LAT2: variants seen among roughly 807,000 people sequenced by gnomAD.
LAT2 encodes the protein linker for activation of T cells family member 2, also known as linker for activation of T-cells family member 2.
Under a neutral mutation model 43.4 loss-of-function variants are expected in LAT2, and 23 were observed. The ratio of observed to expected loss-of-function variants is 0.53; its 90% CI spans 0.38 to 0.75. The LOEUF is 0.75. Among genes scored for constraint, LAT2 ranks in the 30% least tolerant of loss-of-function variants. LAT2 has a pLI of 0.00. For missense variants in LAT2, 284 were observed against 310.2 expected (o/e 0.92, Z 0.64); for synonymous variants, 128 against 123.2 (o/e 1.04, Z -0.26).
At chr7:74,223,861 T>C in intron 11 of LAT2, 78 bp downstream of exon 11, 1 of 1,518,506 alleles carries the variant, frequency 6.6e-7, no homozygotes. Context: ...CACTCCCCAC[T>C]GCTCAAAGGC....
chr7:74,224,638 G>A lies in LAT2; in HGVS notation c.629-1G>A. 6.3e-7 allele frequency: 1 copy of A among 1,596,014 alleles called. No homozygotes were observed. The highest frequency in any genetic ancestry group is 8.5e-7 in the Non-Finnish European group (1 of 1,171,446). On this transcript the variant is annotated splice_acceptor_variant, in intron 12 of 13. Coordinates refer to ENST00000460943, the MANE Select transcript of LAT2 (RefSeq NM_032464.3). LOFTEE classifies it high-confidence loss of function. The stretch of plus-strand genomic sequence containing the variant: ...TGACCTGTCTGCCCGCTGGTCCACA[G>A]GGCAACTCCAGAGAGAAGCATCCCC...
chr7:74,213,645 G>C (rs559075670), intron 1 of LAT2, among the ~76,000 whole-genome samples: 1 of 151,826 alleles, frequency 6.6e-6, no homozygotes, highest in Admixed American at 6.6e-5. Flanking sequence ...GGCTAGTCTC[G>C]AACTCCCGAC....
At chr7:74,215,828 G>A in intron 2 of LAT2, 119 bp from the exon 3 acceptor site, 2 of 723,834 alleles carry the variant, frequency 2.8e-6, no homozygotes, top group Non-Finnish European at 4.9e-6. Flanking sequence ...CAGGAGCGGG[G>A]AGGGGAGGTG....
At chr7:74,221,410 CAAAAAAAAAAAAAA>C (rs782694803) in intron 9 of LAT2, among the ~76,000 whole-genome samples, 4 of 21,074 alleles carry the variant, frequency 1.9e-4, no homozygotes, top group African/African-American at 5.2e-4. Context: ...GACTCTGTCT[CAAAAAAAAAAAAAA>C]AAAAAAAAAA....
chr7:74,216,760 G>T (rs960535901), intron 3 of LAT2, 65 bp from the exon 4 acceptor site: 11 of 1,394,578 alleles, frequency 7.9e-6, no homozygotes, highest in Non-Finnish European at 1.1e-5. Context: ...GACATGGCGG[G>T]GGGTGTCTGA....
intron 10 of LAT2, 71 bp downstream of exon 10, chr7:74,221,763 G>T: frequency 3.7e-6 from 5 of 1,352,446 alleles, no homozygotes; most frequent in Non-Finnish European, 5.2e-6. Context: ...ATACCTCCAG[G>T]CAGGAGAGGA....
At chr7:74,221,789 C>A in intron 10 of LAT2, 97 bp downstream of exon 10, 2 of 841,352 alleles carry the variant, frequency 2.4e-6, no homozygotes, top group South Asian at 1.8e-5. Context: ...GGCCTGGGTT[C>A]GGGTAAATCG....
At chr7:74,216,289 C>A (rs1376909877) in intron 3 of LAT2, among the ~76,000 whole-genome samples, 1 of 151,932 alleles carries the variant, frequency 6.6e-6, no homozygotes, top group Non-Finnish European at 1.5e-5. Context: ...AGAGAGATTG[C>A]CCCAGACGAG....
At position 74,212,856 on chromosome 7, in the gene LAT2, C is replaced by T. The variant is rs149056550; in HGVS notation, c.-218-1966C>T. On this transcript the variant is annotated intron_variant, in intron 1 of 13. Transcript: ENST00000460943. Reference sequence around the variant, plus strand: ...GGTGACGTGGGTCGTGCCAGTCACACGGCTCAGAAATTCACTTGTTCCCAC... The same window carrying T: ...GGTGACGTGGGTCGTGCCAGTCACATGGCTCAGAAATTCACTTGTTCCCAC... Among the ~76,000 whole-genome samples the T allele has an allele frequency of 4.7e-3, 717 of 152,306 alleles. 5 individuals are homozygous for T. The highest frequency in any genetic ancestry group is 0.016 in the African/African-American group (670 of 41,562).
chr7:74,213,708 C>T lies in LAT2; in HGVS notation c.-218-1114C>T, dbSNP rs905453571. Among the ~76,000 whole-genome samples, 108 of 152,156 alleles carry T rather than the reference C, an allele frequency of 7.1e-4. 1 individual carries two copies. Among genetic ancestry groups the T allele is most frequent in the Non-Finnish European group, 4.1e-4 (28 of 68,026 alleles). ...AAAGTGCTGGGATTACAGGCGTGAG[C>T]CACCACGCCCTGCTGGAGCTCCTCC... is the stretch of plus-strand genomic sequence containing the variant. On this transcript the variant is annotated intron_variant, in intron 1 of 13. Coordinates refer to ENST00000460943, the MANE Select transcript of LAT2 (RefSeq NM_032464.3).
At chr7:74,211,537 A>C (rs1554713161) in intron 1 of LAT2, among the ~76,000 whole-genome samples, 1 of 151,890 alleles carries the variant, frequency 6.6e-6, no homozygotes, top group Non-Finnish European at 1.5e-5. Context: ...GGCTCACTGC[A>C]AGCTCCACCT....
intron 9 of LAT2, among the ~76,000 whole-genome samples, chr7:74,221,143 C>T (rs1021262886): frequency 1.3e-5 from 2 of 151,998 alleles, no homozygotes; most frequent in Admixed American, 6.6e-5. Flanking sequence ...TCACCAGGTG[C>T]GGTGGCTCAT....
At chr7:74,218,579 C>T (rs1802130231) in intron 4 of LAT2, among the ~76,000 whole-genome samples, 2 of 152,188 alleles carry the variant, frequency 1.3e-5, no homozygotes, top group African/African-American at 4.8e-5. Flanking sequence ...GTTGCCAGTG[C>T]CCCCGTTTAA....
At chr7:74,221,830 T>A in intron 10 of LAT2, 138 bp downstream of exon 10, 1 of 298,178 alleles carries the variant, frequency 3.4e-6, no homozygotes, top group Non-Finnish European at 6.0e-6. Flanking sequence ...AGAAGGAGGC[T>A]GGTGCTGCAG....
In LAT2 at chr7:74,220,546, G is replaced by A; in HGVS notation, c.266-38G>A. On this transcript the variant is annotated intron_variant, in intron 7 of 13. Coordinates refer to ENST00000460943, the MANE Select transcript of LAT2 (RefSeq NM_032464.3). The surrounding 1 kb of genome is among the most constrained non-coding windows in gnomAD (Gnocchi z 4.5). ...CACCCGAGCTGGGTGCAAAGCAGGG[G>A]CCAGGGGAGAAAGCAATTAGCTGGG... The A allele has an allele frequency of 6.2e-7, 1 of 1,613,576 alleles. No individual in the cohort carries two copies. Among genetic ancestry groups the A allele is most frequent in the Non-Finnish European group, 8.5e-7 (1 of 1,179,788 alleles).
At chr7:74,228,034 G>A (rs556931450) in intron 13 of LAT2, among the ~76,000 whole-genome samples, 2 of 151,640 alleles carry the variant, frequency 1.3e-5, no homozygotes, top group South Asian at 2.1e-4. Flanking sequence ...AAATTAGCCA[G>A]GTGTGGTGGC....
chr7:74,210,992 A>G (rs1554713052), intron 1 of LAT2, among the ~76,000 whole-genome samples: 5 of 151,712 alleles, frequency 3.3e-5, no homozygotes, highest in Middle Eastern at 3.4e-3. Context: ...GGATTCAGAC[A>G]CTGTAGCTCC....
intron 9 of LAT2, 97 bp from the exon 10 acceptor site, chr7:74,221,540 G>A (rs1554715259): frequency 1.2e-6 from 1 of 806,042 alleles, no homozygotes; most frequent in Non-Finnish European, 2.0e-6. Flanking sequence ...GAGGAGCAAT[G>A]GTGGGAGCAG....
At chr7:74,214,624 ATAT>A (rs375865633) in intron 1 of LAT2, among the ~76,000 whole-genome samples, 195 bp from the exon 2 acceptor site, 1 of 2,820 alleles carries the variant, frequency 3.5e-4, no homozygotes, top group Admixed American at 9.3e-3. Flanking sequence ...ATATATATGA[ATAT>A]ATATATATAT....
Sources: allele counts gnomAD v4.1 joint callset (sites outside exome capture counted in the v4.1 genomes callset), GRCh38; gene constraint gnomAD v4.1.1; non-coding constraint Gnocchi (gnomAD v3.1); transcripts MANE v1.5; gene names NCBI Gene and HGNC (gene_info 2026-07-23, HGNC 2026-07-21).